The following SYNE2 variants were observed in gnomAD, a reference collection of about 807,000 sequenced individuals.
SYNE2 encodes the protein spectrin repeat containing nuclear envelope protein 2, also known as nesprin-2.
SYNE2 carries 431 observed loss-of-function variants against 856.3 expected under a neutral mutation model. That is an observed-to-expected ratio of 0.50 (90% CI 0.47 to 0.55). The LOEUF is 0.55. SYNE2 is among the 20% of genes least tolerant of loss of function. SYNE2 has a pLI of 0.00. For synonymous variants in SYNE2, 2,923 were observed against 2,872.3 expected (o/e 1.02, Z -0.56); for missense variants, 8,129 against 8,023.2 (o/e 1.01, Z -0.50).
At chr14:63,819,908 T>G (rs1889150034) in intron 1 of SYNE2, among the ~76,000 whole-genome samples, 1 of 152,186 alleles carries the variant, frequency 6.6e-6, no homozygotes, top group Non-Finnish European at 1.5e-5. Flanking sequence ...ATAATATATT[T>G]TAAAAATACA....
At chr14:63,828,269 A>G (rs1267722243) in intron 1 of SYNE2, among the ~76,000 whole-genome samples, 1 of 152,172 alleles carries the variant, frequency 6.6e-6, no homozygotes, top group Admixed American at 6.6e-5. Context: ...ATACAAATTA[A>G]AAAATACAGT....
intron 23 of SYNE2, 65 bp from the exon 24 acceptor site, chr14:63,996,882 A>G: frequency 6.8e-7 from 1 of 1,460,958 alleles, no homozygotes; most frequent in South Asian, 1.2e-5. Context: ...GTTAGTTTCT[A>G]GTCCTTATGG....
At chr14:64,067,006 C>T (rs150925246) in intron 51 of SYNE2, among the ~76,000 whole-genome samples, 303 of 152,318 alleles carry the variant, frequency 2.0e-3, no homozygotes, top group African/African-American at 6.9e-3. Flanking sequence ...TGTTGAGGGA[C>T]ATCTCTTATT....
intron 43 of SYNE2, among the ~76,000 whole-genome samples, chr14:64,029,107 G>A (rs1290899820): frequency 3.9e-5 from 6 of 152,152 alleles, no homozygotes; most frequent in Non-Finnish European, 5.9e-5. Flanking sequence ...CCGCACTCCA[G>A]CCTGGCAACA....
intron 2 of SYNE2, among the ~76,000 whole-genome samples, chr14:63,917,848 T>G (rs1311185727): frequency 6.6e-6 from 1 of 150,880 alleles, no homozygotes; most frequent in African/African-American, 2.5e-5. Context: ...CACTGCAAAG[T>G]GTTTTTCAAA....
intron 1 of SYNE2, among the ~76,000 whole-genome samples, chr14:63,783,198 G>C (rs1242903004): frequency 6.6e-6 from 1 of 152,160 alleles, no homozygotes; most frequent in Non-Finnish European, 1.5e-5. Context: ...CGCGAGATCT[G>C]ATCGTTTTAT....
In SYNE2 at chr14:64,223,130, T is replaced by C. The variant is rs978189754; in HGVS notation, c.20191-59T>C. 5 of 1,596,536 alleles carry C rather than the reference T, an allele frequency of 3.1e-6. No homozygotes were observed. The African/African-American group carries it at 6.7e-5, about 21-fold the overall frequency. On this transcript the variant is annotated intron_variant, in intron 112 of 115. Coordinates refer to ENST00000555002, the MANE Select transcript of SYNE2 (RefSeq NM_182914.3). ...TTCTGGTACTGAGAAAAACCTCCTG[T>C]GTCCACACTCGCTTCCCTTTGGACA...
At chr14:64,089,829 G>A in intron 59 of SYNE2, 133 bp downstream of exon 59, 1 of 703,870 alleles carries the variant, frequency 1.4e-6, no homozygotes, top group Non-Finnish European at 2.4e-6. Flanking sequence ...GGAAATTGAT[G>A]GGAATAACTA....
At chr14:64,175,236 G>A (rs1380546589) in intron 95 of SYNE2, 98 bp downstream of exon 95, 8 of 1,379,004 alleles carry the variant, frequency 5.8e-6, no homozygotes, top group Non-Finnish European at 8.0e-6. Flanking sequence ...GGAAACTATA[G>A]TATCATGAGT....
rs752826542 is a variant in SYNE2 at position 63,980,715 on chromosome 14, A to G, written c.1631A>G (p.Glu544Gly). 19 of 1,603,536 alleles carry G rather than the reference A, an allele frequency of 1.2e-5. No individual in the cohort carries two copies. In the African/African-American group the frequency reaches 2.4e-4, roughly 20 times the overall value. Residue 544 changes from glutamate (E) to glycine (G), a missense_variant, in exon 15 of 116, where the codon GAA becomes GGA. Physicochemically the swap from Glu to Gly is moderately conservative, Grantham distance 98. Coordinates refer to ENST00000555002, the MANE Select transcript of SYNE2 (RefSeq NM_182914.3). ...GATACTTCTTTTCAAAAATGTGGAG[A>G]AATTTATAAGAATTTGGGTAAAGTG... ...RLDTSFQKCG[E>G]IYKNLAGECQ... is the part of the protein sequence containing the mutation.
rs998987655 is a variant in SYNE2 at position 64,212,936 on chromosome 14, C to G, written c.18987C>G (p.Leu6329=). 37 of 1,614,108 alleles carry G rather than the reference C, an allele frequency of 2.3e-5. No homozygotes were observed. The Admixed American group carries it at 6.2e-4, about 27-fold the overall frequency. Residue 6329 remains leucine (L), a synonymous_variant, in exon 105 of 116, where the codon CTC becomes CTG. Coordinates refer to ENST00000555002, the MANE Select transcript of SYNE2 (RefSeq NM_182914.3). ...AVLIEDELEE[L]HRYCQEVFGR... Reference sequence around the variant, plus strand: ...TGATTGAGGATGAGCTGGAGGAACTCCACCGCTACTGCCAGGAGGTGTTTG... The same window carrying G: ...TGATTGAGGATGAGCTGGAGGAACTGCACCGCTACTGCCAGGAGGTGTTTG...
intron 64 of SYNE2, among the ~76,000 whole-genome samples, chr14:64,106,904 GA>G (rs1418935815): frequency 6.6e-6 from 1 of 152,106 alleles, no homozygotes; most frequent in African/African-American, 2.4e-5. Flanking sequence ...TTATTGTTAG[GA>G]GTAATACAAG....
chr14:63,981,443 A>G (rs980623583), intron 16 of SYNE2, among the ~76,000 whole-genome samples: 6 of 152,212 alleles, frequency 3.9e-5, no homozygotes, highest in Non-Finnish European at 8.8e-5. Flanking sequence ...ATTTACATAC[A>G]GAGTAATAGC....
chr14:64,094,686 C>T (rs58812298), intron 61 of SYNE2, among the ~76,000 whole-genome samples: 1 of 152,152 alleles, frequency 6.6e-6, no homozygotes, highest in South Asian at 2.1e-4. Flanking sequence ...ATAATTCCCA[C>T]TCAGTAATGA....
rs547558587 is a variant in SYNE2, at chr14:64,094,893, T to G, written c.12108+1413T>G. ...GGAATAACTATTTTTATTTTCTTTT[T>G]TTTAGAGATGAGGTCTCACTGTGTT... On this transcript the variant is annotated intron_variant, in intron 61 of 115. Transcript: ENST00000555002. 3 of 167,020 alleles carry G rather than the reference T, an allele frequency of 1.8e-5. No individual in the cohort carries two copies. The South Asian group carries it at 6.2e-4, about 35-fold the overall frequency. 10.3% of individuals were successfully genotyped at this position (167,020 alleles called of 1,614,324 possible).
At chr14:63,834,982 G>C (rs1052519215) in intron 1 of SYNE2, among the ~76,000 whole-genome samples, 1 of 152,078 alleles carries the variant, frequency 6.6e-6, no homozygotes. Flanking sequence ...AATAGTGTAA[G>C]TCAAATGTAG....
chr14:63,965,368 A>G (rs543390770), intron 10 of SYNE2, among the ~76,000 whole-genome samples: 1 of 152,316 alleles, frequency 6.6e-6, no homozygotes, highest in Admixed American at 6.5e-5. Flanking sequence ...TGAAGATAAT[A>G]AGTGGCTTAT....
intron 2 of SYNE2, among the ~76,000 whole-genome samples, chr14:63,912,129 G>A (rs1167988989): frequency 1.3e-5 from 2 of 152,128 alleles, no homozygotes; most frequent in Non-Finnish European, 2.9e-5. Context: ...TACCAACCAA[G>A]AAGTTCCCAT....
rs778072714 is a variant in SYNE2, at chr14:64,090,941, C to T, written c.11869C>T (p.Pro3957Ser). The T allele has an allele frequency of 1.9e-6, 3 of 1,614,060 alleles. No homozygotes were observed. Among genetic ancestry groups the T allele is most frequent in the Non-Finnish European group, 2.5e-6 (3 of 1,179,996 alleles). The change falls in exon 60 of 116, where the codon CCC becomes TCC. Residue 3957 changes from proline to serine, a missense_variant. Physicochemically the swap from Pro to Ser is moderately conservative, Grantham distance 74. Around this residue, in one of 3 missense-constraint regions of SYNE2, gnomAD observed 5,410 missense variants for 5,284.8 expected, o/e 1.02. Coordinates refer to ENST00000555002, the MANE Select transcript of SYNE2 (RefSeq NM_182914.3). ...IVSYQVELRLPQTGMKPLPVF... is the reference protein window; with the variant it reads ...IVSYQVELRLSQTGMKPLPVF... ...GTCTTACCAAGTGGAACTGAGGTTG[C>T]CCCAAACAGGAATGAAACCTCTGCC...
Sources: gnomAD v4.1 joint callset for allele counts (sites outside exome capture counted in the v4.1 genomes callset) on GRCh38, gnomAD v4.1.1 for gene constraint, gnomAD v4.1.1 regional missense constraint, MANE v1.5 for transcripts, NCBI Gene and HGNC (gene_info 2026-07-23, HGNC 2026-07-21) for gene names.